BAZ1B: variants seen among roughly 807,000 people sequenced by gnomAD.
The protein encoded by BAZ1B is tyrosine-protein kinase BAZ1B.
In BAZ1B, 22 loss-of-function variants were observed where a neutral mutation model predicts 153.8. That is an observed-to-expected ratio of 0.14 (90% CI 0.10 to 0.20). The LOEUF (loss-of-function observed/expected upper bound fraction) is 0.20, where lower values mean the gene tolerates loss of function less well. BAZ1B is among the 10% of genes least tolerant of loss of function. The pLI is 1.00. For synonymous variants in BAZ1B, 676 were observed against 633.4 expected (o/e 1.07, Z -1.01); for missense variants, 1,325 against 1,799.3 (o/e 0.74, Z 4.77).
intron 8 of BAZ1B, among the ~76,000 whole-genome samples, 186 bp from the exon 9 acceptor site, chr7:73,469,836 A>C (rs1033067047): frequency 6.6e-6 from 1 of 152,212 alleles, no homozygotes; most frequent in Admixed American, 6.5e-5. Context: ...AGAAATGTTG[A>C]AACTGGAGAC....
In BAZ1B at chr7:73,462,924, G is replaced by A. The variant is rs1563371447; in HGVS notation, c.3247C>T (p.Arg1083Trp). The A allele has an allele frequency of 4.3e-6, 7 of 1,613,814 alleles. No homozygotes were observed. The highest frequency in any genetic ancestry group is 5.1e-6 in the Non-Finnish European group (6 of 1,179,834). ...GGGGGATTTTCTTATATTCCTACCC[G>A]GGCTTCAAATTCTGATGTTTCTTCC... ...YVEETSEFEA[R>W]VISLEKLKDF... The change falls in exon 12 of 20, where the codon CGG (arginine) becomes TGG (tryptophan). Residue 1083 changes from arginine (R) to tryptophan (W), a missense_variant and splice_region_variant. Arg to Trp is a moderately radical substitution (Grantham distance 101). Around this residue, in one of 9 missense-constraint regions of BAZ1B, gnomAD observed 431 missense variants for 563.5 expected, o/e 0.76. Transcript: ENST00000339594.
intron 3 of BAZ1B, among the ~76,000 whole-genome samples, chr7:73,505,709 C>T (rs1554577653): frequency 6.6e-6 from 1 of 152,124 alleles, no homozygotes; most frequent in Non-Finnish European, 1.5e-5. Flanking sequence ...CACCACCATA[C>T]CTGGCTAATT....
chr7:73,491,062 CG>C (rs1222979707), intron 5 of BAZ1B, among the ~76,000 whole-genome samples: 1 of 151,578 alleles, frequency 6.6e-6, no homozygotes, highest in Non-Finnish European at 1.5e-5. Context: ...CCGAGGCAGG[CG>C]GATCACAAGG....
At chr7:73,498,414 T>G in intron 4 of BAZ1B, 83 bp downstream of exon 4, 1 of 1,304,334 alleles carries the variant, frequency 7.7e-7, no homozygotes. Flanking sequence ...CACATTTAGT[T>G]GCTAGAGAAC....
chr7:73,457,326 C>T lies in BAZ1B; in HGVS notation c.3432+2210G>A, dbSNP rs1401799743. ...CCTAGTAGCTGAGAATACAGGTGTG[C>T]GCCACCACGCCTGGCTAATTTTTGT... On this transcript the variant is annotated intron_variant, in intron 13 of 19. Transcript: ENST00000339594. Among the ~76,000 whole-genome samples, 7 of 152,018 alleles carry T rather than the reference C, an allele frequency of 4.6e-5. No individual in the cohort carries two copies. The South Asian group carries it at 6.3e-4, about 14-fold the overall frequency.
At position 73,442,464 on chromosome 7, in the gene BAZ1B, C is replaced by A. The variant is rs142662671; in HGVS notation, c.4184G>T (p.Cys1395Phe). The A allele has an allele frequency of 6.2e-7, 1 of 1,614,234 alleles. No individual in the cohort carries two copies. The highest frequency in any genetic ancestry group is 8.5e-7 in the Non-Finnish European group (1 of 1,180,046). The change falls in exon 19 of 20, where the codon TGT becomes TTT. Residue 1395 changes from cysteine to phenylalanine, a missense_variant. By Grantham distance (205) the Cys-to-Phe change is radical (BLOSUM62 -2). Transcript: ENST00000339594. ...DFQTVQNKCSCGSYRSVQEFL... is the reference protein window; with the variant it reads ...DFQTVQNKCSFGSYRSVQEFL... ...CTCCTGCACAGAGCGGTAGCTCCCA[C>A]AGGAACATTTGTTCTGCACTGTCTG...
At chr7:73,497,229 C>T (rs1450872241) in intron 4 of BAZ1B, among the ~76,000 whole-genome samples, 1 of 151,968 alleles carries the variant, frequency 6.6e-6, no homozygotes, top group East Asian at 1.9e-4. Context: ...GGTGACAGAG[C>T]AAGACCTTAT....
At chr7:73,456,932 T>C (rs1238560428) in intron 13 of BAZ1B, among the ~76,000 whole-genome samples, 7 of 83,800 alleles carry the variant, frequency 8.4e-5, no homozygotes, top group African/African-American at 3.4e-4. Flanking sequence ...ACAGAGACTC[T>C]GTCTCAAAAA....
Position 73,477,340 on chromosome 7 carries a change from G to C in BAZ1B, c.2121C>G (p.Gly707=), listed in dbSNP as rs1554572963. 1 of 1,614,254 alleles carries C rather than the reference G, an allele frequency of 6.2e-7. No homozygotes were observed. Among genetic ancestry groups the C allele is most frequent in the South Asian group, 1.1e-5 (1 of 91,082 alleles). The stretch of plus-strand genomic sequence containing the variant: ...AATCTTTATTGTCATCTGTGTCTGA[G>C]CCCTCGCTTTCCTCCTGAACATCAG... ...RRSDVQEESE[G]SDTDDNKDSA... Residue 707 remains glycine (G), a synonymous_variant, in exon 7 of 20, where the codon GGC becomes GGG. Transcript: ENST00000339594. This position sits in a 1 kb window ranked among gnomAD's most constrained non-coding sequence, Gnocchi z 5.6.
At chr7:73,479,867 T>C (rs146240277) in intron 6 of BAZ1B, among the ~76,000 whole-genome samples, 2 of 152,156 alleles carry the variant, frequency 1.3e-5, no homozygotes, top group African/African-American at 2.4e-5. Context: ...AAATAAAAGA[T>C]AAATAAAAGT....
At chr7:73,508,584 C>T (rs1233142935) in intron 2 of BAZ1B, 113 bp from the exon 3 acceptor site, 16 of 1,254,168 alleles carry the variant, frequency 1.3e-5, no homozygotes, top group South Asian at 6.2e-5. Flanking sequence ...AAACATTTAT[C>T]GCTCTGTCAC....
intron 3 of BAZ1B, among the ~76,000 whole-genome samples, chr7:73,507,643 T>C (rs782685956): frequency 2.0e-5 from 3 of 152,182 alleles, no homozygotes; most frequent in Non-Finnish European, 2.9e-5. Flanking sequence ...GACAGACCAG[T>C]ACAACAAAGT....
intron 1 of BAZ1B, among the ~76,000 whole-genome samples, chr7:73,517,428 G>C (rs1554579528): frequency 1.3e-5 from 2 of 151,814 alleles, no homozygotes; most frequent in South Asian, 4.1e-4. Context: ...TGGGAAGTTG[G>C]AGGCTGCAGT....
intron 1 of BAZ1B, among the ~76,000 whole-genome samples, chr7:73,518,343 G>A (rs1330514757): frequency 6.6e-6 from 1 of 151,576 alleles, no homozygotes; most frequent in Non-Finnish European, 1.5e-5. Flanking sequence ...AACCCGGGAG[G>A]CGGAGCTTGC....
At position 73,440,517 on chromosome 7, in the gene BAZ1B, C is replaced by T. The variant is rs1425599508; in HGVS notation, c.*1192G>A. 1 of 150,790 alleles carries T rather than the reference C, an allele frequency of 6.6e-6. No homozygotes were observed. The highest frequency in any genetic ancestry group is 1.5e-5 in the Non-Finnish European group (1 of 67,724). The allele number at this position is 150,790 out of a possible 1,614,324, so 9.3% of individuals were successfully genotyped here. ...TGAAGACAATAAAAAAAAAAAACAA[C>T]AACAAACAATTCAGGTGTCACTGAA... On this transcript the variant is annotated 3_prime_UTR_variant, in exon 20 of 20. Transcript: ENST00000339594.
intron 3 of BAZ1B, among the ~76,000 whole-genome samples, chr7:73,508,109 T>C (rs957412187): frequency 1.4e-4 from 22 of 152,062 alleles, no homozygotes; most frequent in African/African-American, 4.6e-4. Flanking sequence ...TGAGCCAAGA[T>C]TGCGCACTGC....
chr7:73,461,820 T>C (rs1788406018), intron 12 of BAZ1B, among the ~76,000 whole-genome samples: 2 of 152,158 alleles, frequency 1.3e-5, no homozygotes, highest in East Asian at 1.9e-4. Flanking sequence ...CTGGGTGAGG[T>C]GGCTCATGCC....
chr7:73,473,544 C>T (rs1489386069), intron 7 of BAZ1B, among the ~76,000 whole-genome samples: 2 of 152,064 alleles, frequency 1.3e-5, no homozygotes, highest in Non-Finnish European at 2.9e-5. Flanking sequence ...CAGAGCGACG[C>T]TCTGTATCCA....
chr7:73,508,893 G>A (rs113745095), intron 2 of BAZ1B, among the ~76,000 whole-genome samples: 54 of 151,984 alleles, frequency 3.6e-4, no homozygotes, highest in African/African-American at 1.1e-3. Flanking sequence ...GGTGCCTATC[G>A]TCCCAGCTAC....
Sources: gnomAD v4.1 joint callset for allele counts (sites outside exome capture counted in the v4.1 genomes callset) on GRCh38, gnomAD v4.1.1 for gene constraint, gnomAD v4.1.1 regional missense constraint, Gnocchi (gnomAD v3.1) non-coding constraint, MANE v1.5 for transcripts, NCBI Gene and HGNC (gene_info 2026-07-23, HGNC 2026-07-21) for gene names.